The following LBP variants were observed in gnomAD, a reference collection of about 807,000 sequenced individuals.
The protein encoded by LBP is lipopolysaccharide binding protein.
A neutral mutation model predicts 56.6 loss-of-function variants in LBP; 53 were observed. That is an observed-to-expected ratio of 0.94 (90% CI 0.75 to 1.18). LBP has a LOEUF of 1.18. Among genes scored for constraint, LBP ranks in the 50% most tolerant of loss-of-function variants. The probability of loss-of-function intolerance (pLI) is 0.00; values close to 1 mark genes in which losing one functional copy is unlikely to be tolerated. For missense variants in LBP, 601 were observed against 598.3 expected (o/e 1.00, Z -0.05); for synonymous variants, 227 against 247.5 (o/e 0.92, Z 0.78).
At chr20:38,362,339 G>A (rs1441496897) in intron 6 of LBP, among the ~76,000 whole-genome samples, 9 of 145,988 alleles carry the variant, frequency 6.2e-5, no homozygotes, top group African/African-American at 1.8e-4. Flanking sequence ...GATTGCAGGC[G>A]TGAGAGCTCA....
chr20:38,355,559 C>T, intron 5 of LBP, 150 bp downstream of exon 5: 1 of 721,756 alleles, frequency 1.4e-6, no homozygotes, highest in African/African-American at 1.8e-5. Context: ...TTGCCCAGGT[C>T]ATGGAGCTGT....
rs549371102 is a variant in LBP, at chr20:38,358,549, G to A, written c.589-2155G>A. On this transcript the variant is annotated intron_variant, in intron 5 of 14. Transcript: ENST00000217407. Reference sequence around the variant, plus strand: ...TCTTGGTTCCCTTGCAATCAACCACGAATGTTCCTCACCACACTTGACCTT... The same window carrying A: ...TCTTGGTTCCCTTGCAATCAACCACAAATGTTCCTCACCACACTTGACCTT... 4.6e-5 allele frequency among the ~76,000 whole-genome samples: 7 copies of A among 152,284 alleles called. No homozygotes were observed. In the South Asian group the frequency reaches 1.2e-3, roughly 27 times the overall value.
At chr20:38,374,462 TGGCA>T (rs2076911109) in intron 14 of LBP, among the ~76,000 whole-genome samples, 1 of 151,802 alleles carries the variant, frequency 6.6e-6, no homozygotes, top group Non-Finnish European at 1.5e-5. Flanking sequence ...CTGGACATGG[TGGCA>T]GGTGCCTGTA....
Position 38,376,869 on chromosome 20 carries a change from C to G in LBP, c.*200C>G. ...CCCTCTCTGAGTCTGGACTTTGCTTCCCCTCCAGGAGGGACCACCCTCCCC... is the reference window on the plus strand; with the variant it reads ...CCCTCTCTGAGTCTGGACTTTGCTTGCCCTCCAGGAGGGACCACCCTCCCC... On this transcript the variant is annotated 3_prime_UTR_variant, in exon 15 of 15. Transcript: ENST00000217407. 1 of 700,802 alleles carries G rather than the reference C, an allele frequency of 1.4e-6. No individual in the cohort carries two copies. The highest frequency in any genetic ancestry group is 2.6e-6 in the Non-Finnish European group (1 of 383,632). 43.4% of individuals were successfully genotyped at this position (700,802 alleles called of 1,614,324 possible).
intron 6 of LBP, among the ~76,000 whole-genome samples, chr20:38,362,208 G>T (rs763034865): frequency 4.6e-5 from 7 of 150,932 alleles, no homozygotes; most frequent in Non-Finnish European, 1.0e-4. Flanking sequence ...ACAGGCGCCC[G>T]CCACCACGTC....
chr20:38,370,587 C>A (rs905994990), intron 10 of LBP, 151 bp from the exon 11 acceptor site: 1 of 668,554 alleles, frequency 1.5e-6, no homozygotes, highest in East Asian at 2.5e-5. Flanking sequence ...CTACAGTGAG[C>A]CTTCTGGGAG....
chr20:38,374,946 G>A lies in LBP; in HGVS notation c.1401+933G>A, dbSNP rs868767769. Among the ~76,000 whole-genome samples, 277 of 105,316 alleles carry A rather than the reference G, an allele frequency of 2.6e-3. 1 individual carries two copies. The highest frequency in any genetic ancestry group is 0.015 in the South Asian group (45 of 3,100). The allele number at this position is 105,316 out of a possible 152,430, so 69.1% of individuals were successfully genotyped here. On this transcript the variant is annotated intron_variant, in intron 14 of 14. Coordinates refer to ENST00000217407, the MANE Select transcript of LBP (RefSeq NM_004139.5). ...CTACAGGCTCCCGCCACCACTCCCA[G>A]CTAATTTTTTTTTTTTTTTTTTGTA...
At chr20:38,369,260 C>G (rs1465417416) in intron 10 of LBP, 98 bp downstream of exon 10, 2 of 1,195,948 alleles carry the variant, frequency 1.7e-6, no homozygotes, top group African/African-American at 3.1e-5. Flanking sequence ...CTGGGTAATT[C>G]CTCCAGGTCT....
intron 3 of LBP, 66 bp from the exon 4 acceptor site, chr20:38,354,218 T>C: frequency 7.0e-7 from 1 of 1,426,762 alleles, no homozygotes; most frequent in Admixed American, 2.0e-5. Flanking sequence ...AGCCTTCTAT[T>C]TTCCCCACAA....
chr20:38,375,082 A>G (rs6014890), intron 14 of LBP, among the ~76,000 whole-genome samples: 1 of 151,206 alleles, frequency 6.6e-6, no homozygotes, highest in East Asian at 1.9e-4. Flanking sequence ...CAGGCATGAG[A>G]CACCATATAC....
At chr20:38,349,789 A>G in intron 2 of LBP, 127 bp downstream of exon 2, 2 of 647,246 alleles carry the variant, frequency 3.1e-6, no homozygotes, top group Non-Finnish European at 5.3e-6. Flanking sequence ...AGACAGTGGG[A>G]TAGTTCCCTG....
chr20:38,360,882 G>T, intron 6 of LBP, 115 bp downstream of exon 6: 1 of 735,132 alleles, frequency 1.4e-6, no homozygotes, highest in Non-Finnish European at 2.2e-6. Flanking sequence ...AAAATTAAGG[G>T]CCAGGCGCAG....
chr20:38,359,231 T>G (rs6069876), intron 5 of LBP, among the ~76,000 whole-genome samples: 12,756 of 151,888 alleles, frequency 0.084, 755 homozygotes, highest in African/African-American at 0.16. Context: ...GGTTTTTTGG[T>G]TTTTTTTGCA....
At chr20:38,367,771 A>G (rs551716256) in intron 9 of LBP, among the ~76,000 whole-genome samples, 8 of 152,304 alleles carry the variant, frequency 5.3e-5, no homozygotes, top group African/African-American at 1.7e-4. Context: ...TTTTACATAT[A>G]CATAACCAAA....
At chr20:38,351,819 A>C (rs1180869956) in intron 3 of LBP, among the ~76,000 whole-genome samples, 1 of 152,154 alleles carries the variant, frequency 6.6e-6, no homozygotes, top group Non-Finnish European at 1.5e-5. Context: ...TCAGGAGTTC[A>C]AGACCAGCCT....
At chr20:38,351,822 A>T (rs2076821523) in intron 3 of LBP, among the ~76,000 whole-genome samples, 1 of 152,132 alleles carries the variant, frequency 6.6e-6, no homozygotes, top group South Asian at 2.1e-4. Flanking sequence ...GGAGTTCAAG[A>T]CCAGCCTGGC....
intron 8 of LBP, 133 bp from the exon 9 acceptor site, chr20:38,366,636 T>C (rs1050095220): frequency 4.9e-6 from 4 of 821,234 alleles, no homozygotes; most frequent in South Asian, 1.4e-5. Context: ...AGGACAGGCA[T>C]CTCCTCCCTG....
chr20:38,356,395 C>G (rs2076840165), intron 5 of LBP, among the ~76,000 whole-genome samples: 1 of 134,372 alleles, frequency 7.4e-6, no homozygotes, highest in Non-Finnish European at 1.6e-5. Flanking sequence ...ACCACCCACT[C>G]ACACCCCCCA....
intron 1 of LBP, among the ~76,000 whole-genome samples, chr20:38,348,014 G>A (rs995149898): frequency 6.6e-6 from 1 of 152,184 alleles, no homozygotes; most frequent in Non-Finnish European, 1.5e-5. Flanking sequence ...AAAGACAGTG[G>A]GAATTACCCA....
Sources: gnomAD v4.1 joint callset for allele counts (sites outside exome capture counted in the v4.1 genomes callset) on GRCh38, gnomAD v4.1.1 for gene constraint, MANE v1.5 for transcripts, NCBI Gene and HGNC (gene_info 2026-07-23, HGNC 2026-07-21) for gene names.